Variants in ZSCAN30 observed in about 807,000 individuals in gnomAD.
ZSCAN30 encodes the protein zinc finger and SCAN domain containing 30, also known as zinc finger and SCAN domain-containing protein 30.
In ZSCAN30, 37 loss-of-function variants were observed where a neutral mutation model predicts 44.3. That is an observed-to-expected ratio of 0.84 (90% CI 0.64 to 1.10). ZSCAN30 has a LOEUF of 1.10. Among genes scored for constraint, ZSCAN30 ranks in the 50% least tolerant of loss-of-function variants. ZSCAN30 has a pLI of 0.00. For synonymous variants in ZSCAN30, 181 were observed against 204.6 expected (o/e 0.88, Z 0.98); for missense variants, 549 against 582.6 (o/e 0.94, Z 0.59).
intron 1 of ZSCAN30, chr18:35,267,796 G>C (rs957897213): frequency 7.9e-5 from 12 of 151,946 alleles, no homozygotes; most frequent in African/African-American, 2.9e-4. Flanking sequence ...TTATGTCGCG[G>C]GCTGGTATAC....
intron 1 of ZSCAN30, among the ~76,000 whole-genome samples, chr18:35,278,416 T>C (rs751891305): frequency 2.6e-5 from 4 of 152,232 alleles, no homozygotes; most frequent in African/African-American, 4.8e-5. Context: ...TTTCTGGTGA[T>C]AGCATTGTCA....
chr18:35,279,231 C>T (rs1374149670), intron 1 of ZSCAN30, among the ~76,000 whole-genome samples: 4 of 152,188 alleles, frequency 2.6e-5, no homozygotes, highest in Admixed American at 2.6e-4. Context: ...GTTAGAAGTA[C>T]AAGATCAAGG....
Position 35,252,052 on chromosome 18 carries a change from A to G in ZSCAN30, c.*1398T>C, listed in dbSNP as rs1035402739. On this transcript the variant is annotated 3_prime_UTR_variant, in exon 4 of 4. Transcript: ENST00000333206. ...GCCCATACAATGGCATGAAGATAAG[A>G]TAGGATCTGGAGACAGCCCATCATC... is the stretch of plus-strand genomic sequence containing the variant. 6.6e-6 allele frequency: 1 copy of G among 152,206 alleles called. No homozygotes were observed. The highest frequency in any genetic ancestry group is 1.5e-5 in the Non-Finnish European group (1 of 68,032). 9.4% of individuals were successfully genotyped at this position (152,206 alleles called of 1,614,324 possible). A position where few individuals can be genotyped will look rare whatever the true frequency, so the allele number is the denominator to read the frequency against.
chr18:35,278,173 A>T (rs1316218436), intron 1 of ZSCAN30, among the ~76,000 whole-genome samples: 1 of 152,104 alleles, frequency 6.6e-6, no homozygotes, highest in African/African-American at 2.4e-5. Context: ...GGGTCAGTGG[A>T]ATCCTCACTG....
chr18:35,271,994 C>T (rs888787225), intron 1 of ZSCAN30, among the ~76,000 whole-genome samples: 3 of 152,148 alleles, frequency 2.0e-5, no homozygotes, highest in Non-Finnish European at 4.4e-5. Context: ...GCACGGTTCC[C>T]GCCCACGCCT....
At chr18:35,284,492 C>G (rs1366126807) in intron 1 of ZSCAN30, 1 of 154,986 alleles carries the variant, frequency 6.5e-6, no homozygotes, top group Non-Finnish European at 1.5e-5. Flanking sequence ...TTTGTCAGCA[C>G]CCAAAGTCTG....
chr18:35,281,432 T>C (rs2044453614), intron 1 of ZSCAN30: 1 of 152,278 alleles, frequency 6.6e-6, no homozygotes, highest in Middle Eastern at 3.4e-3. Context: ...AAGCTACAAA[T>C]CTAACATAAT....
intron 3 of ZSCAN30, 104 bp from the exon 4 acceptor site, chr18:35,254,485 G>A (rs886560974): frequency 1.0e-5 from 16 of 1,570,570 alleles, no homozygotes; most frequent in Non-Finnish European, 1.4e-5. Flanking sequence ...TATTTATTAG[G>A]AGGACAGTTC....
intron 1 of ZSCAN30, among the ~76,000 whole-genome samples, chr18:35,266,111 G>A (rs186845367): frequency 1.3e-5 from 2 of 152,330 alleles, no homozygotes; most frequent in African/African-American, 4.8e-5. Context: ...TGAACCGCAA[G>A]GCAGACTTCC....
In ZSCAN30 at chr18:35,252,611, C is replaced by G. The variant is rs2043638315; in HGVS notation, c.*839G>C. ...TCCCCTGCCCTTGCTACCTTCTACC[C>G]ACCTTTATGTCTGAGATACCATCAT... is the stretch of plus-strand genomic sequence containing the variant. On this transcript the variant is annotated 3_prime_UTR_variant, in exon 4 of 4. Coordinates refer to ENST00000333206, the MANE Select transcript of ZSCAN30 (RefSeq NM_001112734.4). The G allele has an allele frequency of 6.6e-6, 1 of 152,172 alleles. No homozygotes were observed. The highest frequency in any genetic ancestry group is 1.5e-5 in the Non-Finnish European group (1 of 68,038). 9.4% of individuals were successfully genotyped at this position (152,172 alleles called of 1,614,324 possible). A position where few individuals can be genotyped will look rare whatever the true frequency, so the allele number is the denominator to read the frequency against.
At chr18:35,254,719 A>G (rs2043734121) in intron 3 of ZSCAN30, 11 of 357,710 alleles carry the variant, frequency 3.1e-5, no homozygotes, top group South Asian at 3.1e-4. Context: ...GTTTTTAGGT[A>G]ATGAGATAAT....
chr18:35,271,417 CAA>C (rs1363307113), intron 1 of ZSCAN30, among the ~76,000 whole-genome samples: 5 of 152,054 alleles, frequency 3.3e-5, no homozygotes, highest in Admixed American at 2.0e-4. Context: ...ATTAGCTAGA[CAA>C]AGAGCACTGA....
chr18:35,258,536 A>T (rs1324364466), intron 3 of ZSCAN30: 1 of 155,438 alleles, frequency 6.4e-6, no homozygotes, highest in Non-Finnish European at 1.4e-5. Context: ...CCAAACAGAC[A>T]GAACACAGAT....
intron 1 of ZSCAN30, among the ~76,000 whole-genome samples, chr18:35,265,464 C>A (rs990365867): frequency 4.6e-5 from 7 of 152,136 alleles, no homozygotes; most frequent in Admixed American, 2.6e-4. Context: ...ATAGCAAAGT[C>A]GAGACATGAA....
At chr18:35,257,879 T>C in intron 3 of ZSCAN30, 1 of 781,008 alleles carries the variant, frequency 1.3e-6, no homozygotes. Context: ...GACCACATCA[T>C]TGCTTGCTCT....
chr18:35,281,551 T>C (rs1026947532), intron 1 of ZSCAN30: 2 of 152,218 alleles, frequency 1.3e-5, no homozygotes, highest in Non-Finnish European at 2.9e-5. Context: ...TACATGAGAA[T>C]TAACCTTTGG....
Position 35,253,946 on chromosome 18 carries a change from G to A in ZSCAN30, c.989C>T (p.Ala330Val). 6.2e-7 allele frequency: 1 copy of A among 1,614,002 alleles called. No individual in the cohort carries two copies. The highest frequency in any genetic ancestry group is 8.5e-7 in the Non-Finnish European group (1 of 1,179,972). The change falls in exon 4 of 4, where the codon GCA (alanine) becomes GTA (valine). Residue 330 changes from alanine (A) to valine (V), a missense_variant. Ala to Val is a moderately conservative substitution (Grantham distance 64). Coordinates refer to ENST00000333206, the MANE Select transcript of ZSCAN30 (RefSeq NM_001112734.4). The stretch of plus-strand genomic sequence containing the variant: ...GAAGGCTTTGCCACATTCTTTACAT[G>A]CATAAGGTCTCTCTCCAGTATGAAT... Reference protein sequence around the residue: ...QRIHTGERPYACKECGKAFSL... With the variant: ...QRIHTGERPYVCKECGKAFSL...
At position 35,253,520 on chromosome 18, in the gene ZSCAN30, C is replaced by T. The variant is rs1467740666; in HGVS notation, c.1415G>A (p.Ser472Asn). The change falls in exon 4 of 4, where the codon AGT (serine) becomes AAT (asparagine). Residue 472 changes from serine (S) to asparagine (N), a missense_variant. Coordinates refer to ENST00000333206, the MANE Select transcript of ZSCAN30 (RefSeq NM_001112734.4). ...ATGCCTAAATGTTTTTCTACATTCA[C>T]TACATTCATAAGGCTTCTCTCCAGT... ...IHTGEKPYECSECRKTFRHRS... is the reference protein window; with the variant it reads ...IHTGEKPYECNECRKTFRHRS... 6.2e-7 allele frequency: 1 copy of T among 1,612,656 alleles called. No homozygotes were observed. The highest frequency in any genetic ancestry group is 1.3e-5 in the African/African-American group (1 of 74,888).
At chr18:35,257,965 C>T (rs2043897375) in intron 3 of ZSCAN30, 1 of 781,038 alleles carries the variant, frequency 1.3e-6, no homozygotes, top group South Asian at 1.3e-5. Context: ...AAATCACCTG[C>T]ACCCAAATCT....
Sources: gnomAD v4.1 joint callset for allele counts (sites outside exome capture counted in the v4.1 genomes callset) on GRCh38, gnomAD v4.1.1 for gene constraint, MANE v1.5 for transcripts, NCBI Gene and HGNC (gene_info 2026-07-23, HGNC 2026-07-21) for gene names.